The following PPFIBP2 variants were observed in gnomAD, a reference collection of about 807,000 sequenced individuals.
PPFIBP2 encodes PPFIB scaffold protein 2.
Under a neutral mutation model 118.3 loss-of-function variants are expected in PPFIBP2, and 118 were observed. The ratio of observed to expected loss-of-function variants is 1.00; its 90% confidence interval spans 0.86 to 1.16. The LOEUF (loss-of-function observed/expected upper bound fraction) is 1.16, where lower values mean the gene tolerates loss of function less well. Among genes scored for constraint, PPFIBP2 ranks in the 50% most tolerant of loss-of-function variants. The probability of loss-of-function intolerance (pLI) is 0.00; values close to 1 mark genes in which losing one functional copy is unlikely to be tolerated. For synonymous variants in PPFIBP2, 414 were observed against 397.4 expected (o/e 1.04, Z -0.50); for missense variants, 1,195 against 1,073.1 (o/e 1.11, Z -1.59).
intron 2 of PPFIBP2, among the ~76,000 whole-genome samples, chr11:7,557,805 G>A (rs934347677): frequency 5.9e-5 from 9 of 152,256 alleles, no homozygotes; most frequent in East Asian, 5.8e-4. Flanking sequence ...GATGGGATCC[G>A]AGACTGTATT....
the PPFIBP2 span, chr11:7,667,154 G>GA: frequency 6.6e-6 from 1 of 152,122 alleles, no homozygotes; most frequent in Non-Finnish European, 1.5e-5. Context: ...TTCTGTTTTA[G>GA]AAAATAATCT....
In PPFIBP2 at chr11:7,653,304, C is replaced by A; in HGVS notation, c.*86C>A. ...CATATAACTGCACCTCACCCCCGCACGTGTGCATGACTCGCAGAGAATATT... is the reference window on the plus strand; with the variant it reads ...CATATAACTGCACCTCACCCCCGCAAGTGTGCATGACTCGCAGAGAATATT... On this transcript the variant is annotated 3_prime_UTR_variant, in exon 24 of 24. Transcript: ENST00000299492. 6.3e-7 allele frequency: 1 copy of A among 1,575,980 alleles called. No homozygotes were observed. The highest frequency in any genetic ancestry group is 8.6e-7 in the Non-Finnish European group (1 of 1,163,484).
At chr11:7,549,306 G>C (rs913550684) in intron 1 of PPFIBP2, 134 bp from the exon 2 acceptor site, 7 of 782,278 alleles carry the variant, frequency 8.9e-6, no homozygotes, top group Non-Finnish European at 1.5e-5. Flanking sequence ...TGGAGATGCA[G>C]AAACTACATG....
intron 3 of PPFIBP2, among the ~76,000 whole-genome samples, chr11:7,570,023 G>C (rs1855477348): frequency 6.6e-6 from 1 of 152,202 alleles, no homozygotes; most frequent in Non-Finnish European, 1.5e-5. Flanking sequence ...GCCCTGGCAT[G>C]TGGTACCTGG....
chr11:7,550,386 C>G (rs7483502), intron 2 of PPFIBP2, among the ~76,000 whole-genome samples: 59,740 of 152,060 alleles, frequency 0.39, 12,561 homozygotes, highest in African/African-American at 0.54. Context: ...CACAGAGTAC[C>G]TGACACTGCC....
chr11:7,607,974 G>A (rs985244795), intron 5 of PPFIBP2, among the ~76,000 whole-genome samples: 1 of 152,218 alleles, frequency 6.6e-6, no homozygotes, highest in African/African-American at 2.4e-5. Context: ...GAAAGAGAGG[G>A]AGGTAGGGAA....
At chr11:7,628,187 A>T in intron 8 of PPFIBP2, 98 bp from the exon 9 acceptor site, 1 of 1,000,436 alleles carries the variant, frequency 1.0e-6, no homozygotes, top group Admixed American at 2.1e-5. Context: ...CCATGTTCAC[A>T]TGGCAAGTCT....
At chr11:7,641,386 A>G in intron 15 of PPFIBP2, 93 bp from the exon 16 acceptor site, 1 of 1,381,974 alleles carries the variant, frequency 7.2e-7, no homozygotes, top group South Asian at 1.3e-5. Context: ...GATTCTCTGG[A>G]CTCCCACTGA....
At chr11:7,565,331 G>A (rs992120017) in intron 2 of PPFIBP2, among the ~76,000 whole-genome samples, 13 of 152,214 alleles carry the variant, frequency 8.5e-5, no homozygotes, top group African/African-American at 2.9e-4. Flanking sequence ...CTATTCGCAA[G>A]CCAGATATTG....
chr11:7,543,437 G>A (rs1311468763), intron 1 of PPFIBP2, among the ~76,000 whole-genome samples: 1 of 152,192 alleles, frequency 6.6e-6, no homozygotes, highest in Non-Finnish European at 1.5e-5. Context: ...CCTTCCCCAG[G>A]CCTTGATTTC....
chr11:7,648,743 C>T, intron 18 of PPFIBP2, 57 bp from the exon 19 acceptor site: 7 of 1,553,086 alleles, frequency 4.5e-6, no homozygotes, highest in Non-Finnish European at 6.2e-6. Context: ...ACAGCTTTCT[C>T]TGAGGGCCAA....
At chr11:7,630,695 C>CAGGG (rs59615659) in intron 10 of PPFIBP2, among the ~76,000 whole-genome samples, 10,459 of 152,212 alleles carry the variant, frequency 0.069, 708 homozygotes, top group African/African-American at 0.17. Context: ...GGTTTGGAGG[C>CAGGG]AGGGGTACAT....
chr11:7,650,682 G>C (rs1161428432), intron 21 of PPFIBP2, 158 bp from the exon 22 acceptor site: 3 of 604,200 alleles, frequency 5.0e-6, no homozygotes, highest in Non-Finnish European at 8.2e-6. Flanking sequence ...AAACTGGGGA[G>C]GCTGGTGCTC....
intron 7 of PPFIBP2, among the ~76,000 whole-genome samples, chr11:7,623,897 C>T (rs1175975883): frequency 6.6e-6 from 1 of 152,200 alleles, no homozygotes; most frequent in Non-Finnish European, 1.5e-5. Context: ...AGCCCATGGG[C>T]ATCTTTGCCC....
chr11:7,547,716 C>T (rs1206231799), intron 1 of PPFIBP2, among the ~76,000 whole-genome samples: 1 of 152,192 alleles, frequency 6.6e-6, no homozygotes, highest in Admixed American at 6.5e-5. Context: ...CCTGAGGTGC[C>T]ACTGAAGTTC....
At chr11:7,603,232 A>C (rs913698315) in intron 5 of PPFIBP2, among the ~76,000 whole-genome samples, 2 of 152,222 alleles carry the variant, frequency 1.3e-5, no homozygotes, top group Non-Finnish European at 2.9e-5. Context: ...CTGGGGATCT[A>C]TGAGCTAATG....
Position 7,634,523 on chromosome 11 carries a change from G to C in PPFIBP2, c.1165G>C (p.Glu389Gln), listed in dbSNP as rs1565097256. The C allele has an allele frequency of 1.2e-6, 2 of 1,613,304 alleles. No individual in the cohort carries two copies. The highest frequency in any genetic ancestry group is 1.7e-6 in the Non-Finnish European group (2 of 1,179,380). The change falls in exon 13 of 24, where the codon GAA (glutamate) becomes CAA (glutamine). Residue 389 changes from glutamate (E) to glutamine (Q), a missense_variant. By Grantham distance (29) the Glu-to-Gln change is conservative. Transcript: ENST00000299492. ...RAQKKLSCSL[E>Q]DLRSESVDKC... is the part of the protein sequence containing the mutation. The stretch of plus-strand genomic sequence containing the variant: ...TCAGAAAAAGCTCTCTTGTAGTCTA[G>C]AAGACTTGAGAAGTGAATCTGTGGA...
At chr11:7,656,797 G>A, downstream of PPFIBP2, 1 of 1,289,834 alleles carries the variant, frequency 7.8e-7, no homozygotes, top group Non-Finnish European at 1.0e-6. Flanking sequence ...GACTGGAGAT[G>A]ACTTTCTTCG....
intron 1 of PPFIBP2, among the ~76,000 whole-genome samples, chr11:7,521,947 G>T (rs1232334410): frequency 1.3e-5 from 2 of 152,202 alleles, no homozygotes; most frequent in Non-Finnish European, 2.9e-5. Flanking sequence ...GGAGTCCCAG[G>T]CTGGGAAGAG....
Sources: allele counts gnomAD v4.1 joint callset (sites outside exome capture counted in the v4.1 genomes callset), GRCh38; gene constraint gnomAD v4.1.1; transcripts MANE v1.5; gene names NCBI Gene and HGNC (gene_info 2026-07-23, HGNC 2026-07-21).